Variants in ATP6V0A2 observed in about 807,000 individuals in gnomAD.
ATP6V0A2 encodes V-type proton ATPase 116 kDa subunit a 2.
A neutral mutation model predicts 104.4 loss-of-function variants in ATP6V0A2; 58 were observed. That is an observed-to-expected ratio of 0.56 (90% CI 0.45 to 0.69). The LOEUF (loss-of-function observed/expected upper bound fraction) is 0.69, where lower values mean the gene tolerates loss of function less well. Among genes scored for constraint, ATP6V0A2 ranks in the 30% least tolerant of loss-of-function variants. The probability of loss-of-function intolerance (pLI) is 0.00; values close to 1 mark genes in which losing one functional copy is unlikely to be tolerated. For missense variants in ATP6V0A2, 938 were observed against 1,062.9 expected (o/e 0.88, Z 1.63); for synonymous variants, 376 against 397.9 (o/e 0.95, Z 0.65).
At chr12:123,749,627 T>G (rs1182241310) in intron 15 of ATP6V0A2, among the ~76,000 whole-genome samples, 1 of 152,238 alleles carries the variant, frequency 6.6e-6, no homozygotes, top group Non-Finnish European at 1.5e-5. Flanking sequence ...CGAACGTGCT[T>G]GCACAATCCA....
At chr12:123,741,589 C>T (rs2135906534) in intron 9 of ATP6V0A2, among the ~76,000 whole-genome samples, 1 of 152,188 alleles carries the variant, frequency 6.6e-6, no homozygotes, top group African/African-American at 2.4e-5. Flanking sequence ...TACAGGCATG[C>T]ACTACTATGC....
chr12:123,736,942 G>T, intron 8 of ATP6V0A2, 117 bp from the exon 9 acceptor site: 1 of 1,004,020 alleles, frequency 1.0e-6, no homozygotes, highest in Non-Finnish European at 1.6e-6. Flanking sequence ...GGATAGGCAG[G>T]TGCCTGGAAT....
intron 13 of ATP6V0A2, 146 bp downstream of exon 13, chr12:123,745,118 G>A (rs778527048): frequency 5.9e-5 from 51 of 866,544 alleles, no homozygotes; most frequent in African/African-American, 1.0e-4. Flanking sequence ...TCCCAGTCCC[G>A]GACACTGGGA....
At chr12:123,718,195 A>G (rs1408800599) in intron 1 of ATP6V0A2, among the ~76,000 whole-genome samples, 1 of 151,342 alleles carries the variant, frequency 6.6e-6, no homozygotes, top group Non-Finnish European at 1.5e-5. Context: ...GGTTCAAGCA[A>G]TTTTTCCACC....
intron 18 of ATP6V0A2, chr12:123,754,892 T>C (rs929695080): frequency 6.5e-6 from 2 of 309,554 alleles, no homozygotes; most frequent in Non-Finnish European, 1.2e-5. Context: ...TTAGTAGTTA[T>C]TTCATTCACT....
rs552949153 is a variant in ATP6V0A2 at position 123,719,421 on chromosome 12, T to G, written c.196+720T>G. On this transcript the variant is annotated intron_variant, in intron 2 of 19. Coordinates refer to ENST00000330342, the MANE Select transcript of ATP6V0A2 (RefSeq NM_012463.4). ...TTTTTTTTTGAGATGGAGTCTTGCT[T>G]TGTCACCTAGGCTGGAGTGCAGTGG... is the stretch of plus-strand genomic sequence containing the variant. Among the ~76,000 whole-genome samples the G allele has an allele frequency of 2.9e-3, 439 of 151,814 alleles. 3 individuals are homozygous for G. The highest frequency in any genetic ancestry group is 0.01 in the African/African-American group (416 of 41,372).
At chr12:123,740,249 C>T (rs947186010) in intron 9 of ATP6V0A2, among the ~76,000 whole-genome samples, 2 of 150,454 alleles carry the variant, frequency 1.3e-5, no homozygotes, top group Non-Finnish European at 2.9e-5. Flanking sequence ...TTCGCCCACG[C>T]TGGAGTACAG....
chr12:123,751,482 C>G (rs1956713627), intron 16 of ATP6V0A2, among the ~76,000 whole-genome samples: 1 of 152,092 alleles, frequency 6.6e-6, no homozygotes, highest in Non-Finnish European at 1.5e-5. Flanking sequence ...TGGCGAAACC[C>G]TGTCTCTACC....
intron 15 of ATP6V0A2, among the ~76,000 whole-genome samples, chr12:123,749,005 A>G (rs1473579721): frequency 6.6e-6 from 1 of 152,172 alleles, no homozygotes; most frequent in Non-Finnish European, 1.5e-5. Flanking sequence ...ACGAGTAGGA[A>G]GAGGCCAGGC....
At chr12:123,756,452 T>G (rs1275944204) in intron 18 of ATP6V0A2, 4 of 219,944 alleles carry the variant, frequency 1.8e-5, no homozygotes, top group Non-Finnish European at 3.6e-5. Context: ...TGAGTGTCGG[T>G]GCTTTACTCA....
chr12:123,728,871 C>G, intron 6 of ATP6V0A2, among the ~76,000 whole-genome samples: 1 of 152,066 alleles, frequency 6.6e-6, no homozygotes, highest in Non-Finnish European at 1.5e-5. Context: ...CATGGTCACT[C>G]TGATCACTTG....
At chr12:123,756,696 C>T (rs1956767256) in intron 18 of ATP6V0A2, 119 bp from the exon 19 acceptor site, 2 of 1,050,648 alleles carry the variant, frequency 1.9e-6, no homozygotes, top group African/African-American at 1.6e-5. Context: ...ACATGTGTGT[C>T]TATTATTTTA....
intron 15 of ATP6V0A2, 137 bp downstream of exon 15, chr12:123,748,922 A>T: frequency 3.4e-6 from 3 of 875,894 alleles, no homozygotes; most frequent in Non-Finnish European, 5.6e-6. Flanking sequence ...TCATCACTGG[A>T]GGATGCCAGT....
chr12:123,725,992 C>T (rs987070272), intron 4 of ATP6V0A2, among the ~76,000 whole-genome samples: 2 of 152,004 alleles, frequency 1.3e-5, no homozygotes, highest in Non-Finnish European at 2.9e-5. Flanking sequence ...ATGTAAATGT[C>T]TTCAATTGGC....
chr12:123,727,376 T>A (rs776655006), intron 5 of ATP6V0A2, among the ~76,000 whole-genome samples: 1 of 151,742 alleles, frequency 6.6e-6, no homozygotes, highest in Non-Finnish European at 1.5e-5. Flanking sequence ...CCTCCCAGGT[T>A]CAAGCGATTC....
intron 8 of ATP6V0A2, among the ~76,000 whole-genome samples, chr12:123,735,956 T>A (rs988332866): frequency 2.0e-5 from 3 of 152,124 alleles, no homozygotes; most frequent in African/African-American, 7.2e-5. Context: ...CACTGCAACC[T>A]CTGCCTCCTG....
intron 17 of ATP6V0A2, 151 bp downstream of exon 17, chr12:123,752,553 A>T: frequency 1.1e-6 from 1 of 947,334 alleles, no homozygotes; most frequent in Non-Finnish European, 1.6e-6. Flanking sequence ...AGCGCTTTCC[A>T]AATGCTGTTT....
chr12:123,713,776 C>G (rs1042071734), intron 1 of ATP6V0A2, among the ~76,000 whole-genome samples: 1 of 152,164 alleles, frequency 6.6e-6, no homozygotes, highest in African/African-American at 2.4e-5. Flanking sequence ...CATTTTATTT[C>G]CTGGCCACCA....
At chr12:123,737,389 T>C in intron 9 of ATP6V0A2, 118 bp downstream of exon 9, 1 of 972,570 alleles carries the variant, frequency 1.0e-6, no homozygotes, top group Non-Finnish European at 1.6e-6. Flanking sequence ...GTGTGTTGAC[T>C]CTTCTTTTGT....
Sources: allele counts gnomAD v4.1 joint callset (sites outside exome capture counted in the v4.1 genomes callset), GRCh38; gene constraint gnomAD v4.1.1; transcripts MANE v1.5; gene names NCBI Gene and HGNC (gene_info 2026-07-23, HGNC 2026-07-21).